N4BP2: variants seen among roughly 807,000 people sequenced by gnomAD.
N4BP2 encodes the protein NEDD4-binding protein 2.
In N4BP2, 91 loss-of-function variants were observed where a neutral mutation model predicts 152.8. That is an observed-to-expected ratio of 0.60 (90% CI 0.50 to 0.71). The LOEUF (loss-of-function observed/expected upper bound fraction) is 0.71. Among genes scored for constraint, N4BP2 ranks in the 30% least tolerant of loss-of-function variants. The pLI, the probability that N4BP2 is intolerant of heterozygous loss-of-function variation, is 0.00. For missense variants in N4BP2, 1,923 were observed against 2,059.1 expected (o/e 0.93, Z 1.28); for synonymous variants, 646 against 705.3 (o/e 0.92, Z 1.33).
At chr4:40,125,663 A>G (rs1458882759) in intron 11 of N4BP2, among the ~76,000 whole-genome samples, 1 of 152,206 alleles carries the variant, frequency 6.6e-6, no homozygotes, top group East Asian at 1.9e-4. Context: ...AGGCGGGCGG[A>G]TCACCTGAGG....
At chr4:40,097,061 T>G (rs1375934054) in intron 2 of N4BP2, among the ~76,000 whole-genome samples, 166 bp from the exon 3 acceptor site, 1 of 152,198 alleles carries the variant, frequency 6.6e-6, no homozygotes, top group Non-Finnish European at 1.5e-5. Context: ...TTTAACATGT[T>G]CAATCCTGGC....
At chr4:40,069,881 C>T (rs997759135) in intron 1 of N4BP2, among the ~76,000 whole-genome samples, 4 of 152,156 alleles carry the variant, frequency 2.6e-5, no homozygotes, top group Non-Finnish European at 5.9e-5. Flanking sequence ...TACCACTGCA[C>T]TCCAGCCTGG....
intron 3 of N4BP2, 63 bp downstream of exon 3, chr4:40,097,632 G>T (rs1715223759): frequency 1.1e-6 from 1 of 892,576 alleles, no homozygotes; most frequent in Admixed American, 2.2e-5. Flanking sequence ...ACTATGCCAT[G>T]ATTAATAGTA....
In N4BP2 at chr4:40,121,610, G is replaced by A; in HGVS notation, c.3499G>A (p.Gly1167Arg). The change falls in exon 9 of 18, where the codon GGA becomes AGA. Residue 1167 changes from glycine to arginine, a missense_variant. Coordinates refer to ENST00000261435, the MANE Select transcript of N4BP2 (RefSeq NM_018177.6). The stretch of plus-strand genomic sequence containing the variant: ...TTTGAAAGAAATTATTAGCCAAAGA[G>A]GAACTTTAGAGAATTCTAATTCTCC... ...LNLKEIISQR[G>R]TLENSNSPVP... 4 of 1,614,142 alleles carry A rather than the reference G, an allele frequency of 2.5e-6. No individual in the cohort carries two copies. Among genetic ancestry groups the A allele is most frequent in the Non-Finnish European group, 3.4e-6 (4 of 1,180,006 alleles).
rs373836099 is a variant in N4BP2 at position 40,142,642 on chromosome 4, T to C, written c.4786-31T>C. 3.5e-5 allele frequency: 52 copies of C among 1,493,298 alleles called. No individual in the cohort carries two copies. In the African/African-American group the frequency reaches 6.3e-4, roughly 18 times the overall value. 92.5% of individuals were successfully genotyped at this position (1,493,298 alleles called of 1,614,324 possible). On this transcript the variant is annotated intron_variant, in intron 14 of 17. Coordinates refer to ENST00000261435, the MANE Select transcript of N4BP2 (RefSeq NM_018177.6). ...CATGAGTTTTTTTTTTAACTTTCTG[T>C]GTGTGTTACTTATTGTTTAATATCT...
At chr4:40,117,349 G>A (rs1023934031) in intron 7 of N4BP2, among the ~76,000 whole-genome samples, 2 of 152,146 alleles carry the variant, frequency 1.3e-5, no homozygotes, top group African/African-American at 4.8e-5. Flanking sequence ...ACTGGCAAAT[G>A]CATATATTAT....
rs1281842286 is a variant in N4BP2 at position 40,089,435 on chromosome 4, CT to C, written c.-114-7773del. Among the ~76,000 whole-genome samples, 809 of 111,096 alleles carry C rather than the reference CT, an allele frequency of 7.3e-3. 6 individuals carry two copies. The highest frequency in any genetic ancestry group is 0.022 in the African/African-American group (645 of 29,110). 72.9% of individuals were successfully genotyped at this position (111,096 alleles called of 152,430 possible). A position where few individuals can be genotyped will look rare whatever the true frequency, so the allele number is the denominator to read the frequency against. On this transcript the variant is annotated intron_variant, in intron 2 of 17. Transcript: ENST00000261435. Reference sequence around the variant, plus strand: ...ATGAACTATAATTTATCAGTTTTGCCTTTTTTTTTTTTTTTTTTTGAGTCAT... The same window carrying C: ...ATGAACTATAATTTATCAGTTTTGCCTTTTTTTTTTTTTTTTTTGAGTCAT...
At chr4:40,128,427 A>C (rs1170567938) in intron 12 of N4BP2, among the ~76,000 whole-genome samples, 1 of 152,188 alleles carries the variant, frequency 6.6e-6, no homozygotes, top group Non-Finnish European at 1.5e-5. Flanking sequence ...ATCCTAACGC[A>C]ATCCAAGGAA....
intron 7 of N4BP2, 105 bp from the exon 8 acceptor site, chr4:40,117,764 C>T (rs1035747834): frequency 3.6e-5 from 32 of 884,676 alleles, no homozygotes; most frequent in African/African-American, 1.7e-4. Flanking sequence ...CTTTGATATT[C>T]GTATCTATTA....
intron 1 of N4BP2, among the ~76,000 whole-genome samples, chr4:40,067,392 G>A (rs1242121467): frequency 6.8e-6 from 1 of 146,548 alleles, no homozygotes; most frequent in African/African-American, 2.5e-5. Context: ...ATATTCCATT[G>A]TATGTATGTA....
chr4:40,131,568 T>TTG lies in N4BP2; in HGVS notation c.4528-219_4528-218dup, dbSNP rs60430101. 2.0e-4 allele frequency among the ~76,000 whole-genome samples: 31 copies of TTG among 151,712 alleles called. No homozygotes were observed. In the East Asian group the frequency reaches 2.3e-3, roughly 11 times the overall value. On this transcript the variant is annotated intron_variant, in intron 12 of 17. Transcript: ENST00000261435. ...CCCACACATACATGTATACATGTGA[T>TTG]TGTGTGTGTGTGTGTATATTTATAA...
chr4:40,134,509 C>A (rs554938940), intron 13 of N4BP2, among the ~76,000 whole-genome samples: 18 of 152,250 alleles, frequency 1.2e-4, no homozygotes, highest in African/African-American at 4.3e-4. Context: ...TCAGCTTCAT[C>A]CTGGTAAGAA....
chr4:40,118,404 C>T (rs1359066094), intron 8 of N4BP2, among the ~76,000 whole-genome samples: 1 of 151,990 alleles, frequency 6.6e-6, no homozygotes, highest in Non-Finnish European at 1.5e-5. Flanking sequence ...TGCATTCCAC[C>T]CTGGGCAACA....
intron 14 of N4BP2, 56 bp from the exon 15 acceptor site, chr4:40,142,617 C>T: frequency 2.3e-6 from 3 of 1,289,232 alleles, no homozygotes; most frequent in Non-Finnish European, 3.3e-6. Flanking sequence ...AGGTGTAAGG[C>T]ATGAGTTTTT....
At chr4:40,127,295 G>A (rs1487567001) in intron 12 of N4BP2, among the ~76,000 whole-genome samples, 9 of 149,536 alleles carry the variant, frequency 6.0e-5, no homozygotes, top group African/African-American at 2.0e-4. Context: ...AAGGCTCACT[G>A]CAGCCTCAAC....
chr4:40,075,418 A>G (rs1431700877), intron 2 of N4BP2, among the ~76,000 whole-genome samples: 1 of 151,972 alleles, frequency 6.6e-6, no homozygotes, highest in Non-Finnish European at 1.5e-5. Context: ...TATTTTTTTG[A>G]GATGGAGTCT....
At chr4:40,169,879 G>A in the N4BP2 span, among the ~76,000 whole-genome samples, 1 of 150,852 alleles carries the variant, frequency 6.6e-6, no homozygotes, top group Admixed American at 6.6e-5. Flanking sequence ...GCAGAGAATT[G>A]CTTGAACCTG....
In N4BP2 at chr4:40,094,739, A is replaced by G. The variant is rs1481785900; in HGVS notation, c.-114-2488A>G. Among the ~76,000 whole-genome samples the G allele has an allele frequency of 4.0e-5, 6 of 149,976 alleles. No homozygotes were observed. The East Asian group carries it at 1.2e-3, about 30-fold the overall frequency. ...GGCTAATTTTGTATTTTTAGTGGAGATGGGGTTTCTCCATGTTGGTCAGGC... is the reference window on the plus strand; with the variant it reads ...GGCTAATTTTGTATTTTTAGTGGAGGTGGGGTTTCTCCATGTTGGTCAGGC... On this transcript the variant is annotated intron_variant, in intron 2 of 17. Coordinates refer to ENST00000261435, the MANE Select transcript of N4BP2 (RefSeq NM_018177.6).
the N4BP2 span, among the ~76,000 whole-genome samples, chr4:40,184,982 TAAAATAA>T: frequency 6.6e-6 from 1 of 151,102 alleles, no homozygotes; most frequent in East Asian, 1.9e-4. Context: ...AATAAATAAA[TAAAATAA>T]AAAATAAATT....
Sources: gnomAD v4.1 joint callset for allele counts (sites outside exome capture counted in the v4.1 genomes callset) on GRCh38, gnomAD v4.1.1 for gene constraint, MANE v1.5 for transcripts, NCBI Gene and HGNC (gene_info 2026-07-23, HGNC 2026-07-21) for gene names.